SLIT3: variants seen among roughly 807,000 people sequenced by gnomAD.
The protein encoded by SLIT3 is slit guidance ligand 3.
Under a neutral mutation model 184.0 loss-of-function variants are expected in SLIT3, and 68 were observed. The ratio of observed to expected loss-of-function variants is 0.37; its 90% CI spans 0.30 to 0.45. SLIT3 has a LOEUF of 0.45. Among genes scored for constraint, SLIT3 ranks in the 20% least tolerant of loss-of-function variants. SLIT3 has a pLI of 1.00. For missense variants in SLIT3, 1,707 were observed against 2,026.0 expected (o/e 0.84, Z 3.02); for synonymous variants, 831 against 828.6 (o/e 1.00, Z -0.05).
intron 4 of SLIT3, among the ~76,000 whole-genome samples, chr5:169,104,244 C>T (rs1037343537): frequency 6.6e-6 from 1 of 152,104 alleles, no homozygotes; most frequent in African/African-American, 2.4e-5. Flanking sequence ...AGCCAGCATC[C>T]GTGGAATCAC....
intron 4 of SLIT3, among the ~76,000 whole-genome samples, chr5:169,157,022 C>A (rs1280717747): frequency 2.0e-5 from 3 of 151,934 alleles, no homozygotes; most frequent in Admixed American, 2.0e-4. Context: ...AGATACCACA[C>A]ACAAAAAAAT....
Position 168,713,945 on chromosome 5 carries a change from C to T in SLIT3, c.2484-1591G>A, listed in dbSNP as rs969305960. 2.0e-5 allele frequency among the ~76,000 whole-genome samples: 3 copies of T among 152,202 alleles called. No homozygotes were observed. In the East Asian group the frequency reaches 5.8e-4, roughly 29 times the overall value. On this transcript the variant is annotated intron_variant, in intron 23 of 35. Coordinates refer to ENST00000519560, the MANE Select transcript of SLIT3 (RefSeq NM_003062.4). ...TTTAAGGCAAGGCCCTTATTTCTCT[C>T]CTCTTCCCATATAATCTGCTCTTCT...
rs937688331 is a variant in SLIT3, at chr5:169,224,475, C to T, written c.341+20230G>A. Reference sequence around the variant, plus strand: ...CTCGACCTCCTGGAGTCAAGTGATCCTCCCACCTCAACTTTCCAAGTAGCT... The same window carrying T: ...CTCGACCTCCTGGAGTCAAGTGATCTTCCCACCTCAACTTTCCAAGTAGCT... On this transcript the variant is annotated intron_variant, in intron 3 of 35. Transcript: ENST00000519560. Among the ~76,000 whole-genome samples the T allele has an allele frequency of 1.6e-3, 241 of 151,684 alleles. 1 individual carries two copies. Among genetic ancestry groups the T allele is most frequent in the African/African-American group, 5.8e-3 (238 of 41,318 alleles).
intron 4 of SLIT3, among the ~76,000 whole-genome samples, chr5:168,909,523 A>G (rs1157354275): frequency 1.3e-5 from 2 of 152,150 alleles, no homozygotes; most frequent in African/African-American, 4.8e-5. Context: ...CCCTGTGTCC[A>G]CTGCCATTTA....
In SLIT3 at chr5:168,895,836, C is replaced by T. The variant is rs114826720; in HGVS notation, c.414-12500G>A. ...AGATTTACACCAAGTTGGAAGTTAA[C>T]ACTAATAATTAATCCCAGACCTGCT... On this transcript the variant is annotated intron_variant, in intron 4 of 35. Coordinates refer to ENST00000519560, the MANE Select transcript of SLIT3 (RefSeq NM_003062.4). Among the ~76,000 whole-genome samples the T allele has an allele frequency of 2.6e-3, 385 of 146,956 alleles. 3 individuals carry two copies. Among genetic ancestry groups the T allele is most frequent in the African/African-American group, 9.3e-3 (374 of 40,330 alleles).
At chr5:169,123,997 C>G (rs1327404298) in intron 4 of SLIT3, among the ~76,000 whole-genome samples, 1 of 152,202 alleles carries the variant, frequency 6.6e-6, no homozygotes, top group African/African-American at 2.4e-5. Flanking sequence ...CCTGCTCATT[C>G]CTCTCATCAA....
chr5:168,812,946 T>G (rs1424576647), intron 8 of SLIT3, among the ~76,000 whole-genome samples: 1 of 152,146 alleles, frequency 6.6e-6, no homozygotes, highest in Non-Finnish European at 1.5e-5. Context: ...GATAAGCATA[T>G]TTCATTTTTA....
chr5:169,113,241 C>A (rs992121392), intron 4 of SLIT3, among the ~76,000 whole-genome samples: 4 of 152,130 alleles, frequency 2.6e-5, no homozygotes, highest in African/African-American at 7.2e-5. Context: ...CCCTACCTTC[C>A]CCTCTAGCAA....
chr5:168,711,031 A>G lies in SLIT3; in HGVS notation c.2583T>C (p.Cys861=). Residue 861 remains cysteine, a synonymous_variant, in exon 25 of 36, where the codon TGT becomes TGC. Transcript: ENST00000519560. ...HLALGTNPLH[C]DCSLRWLSEW... ...CCGACAGCCACCGAAGACTGCAGTC[A>G]CAGTGGAGTGGGTTGGTTCCCAGCG... 1 of 1,590,290 alleles carries G rather than the reference A, an allele frequency of 6.3e-7. No homozygotes were observed. Among genetic ancestry groups the G allele is most frequent in the African/African-American group, 1.3e-5 (1 of 74,354 alleles).
At chr5:168,989,053 A>G (rs1477126413) in intron 4 of SLIT3, among the ~76,000 whole-genome samples, 1 of 152,260 alleles carries the variant, frequency 6.6e-6, no homozygotes, top group Non-Finnish European at 1.5e-5. Flanking sequence ...AATTTGCCTC[A>G]GAGACACACC....
intron 4 of SLIT3, among the ~76,000 whole-genome samples, chr5:168,979,668 G>A (rs1754885894): frequency 6.6e-6 from 1 of 152,162 alleles, no homozygotes; most frequent in Admixed American, 6.5e-5. Context: ...GGGGGCTGGG[G>A]CCAAACAGGA....
rs79186635 is a variant in SLIT3, at chr5:168,879,794, C to G, written c.485+3471G>C. On this transcript the variant is annotated intron_variant, in intron 5 of 35. Transcript: ENST00000519560. ...CTTCACACCCAATGTGATTACAACCCAACTCAGGATCTTCCAAGCCTGGCT... is the reference window on the plus strand; with the variant it reads ...CTTCACACCCAATGTGATTACAACCGAACTCAGGATCTTCCAAGCCTGGCT... Among the ~76,000 whole-genome samples the G allele has an allele frequency of 4.3e-4, 66 of 152,282 alleles. No individual in the cohort carries two copies. The East Asian group carries it at 0.01, about 23-fold the overall frequency.
Position 168,958,790 on chromosome 5 carries a change from T to C in SLIT3, c.414-75454A>G, listed in dbSNP as rs75816718. Among the ~76,000 whole-genome samples, 722 of 152,380 alleles carry C rather than the reference T, an allele frequency of 4.7e-3. 5 individuals carry two copies. Among genetic ancestry groups the C allele is most frequent in the African/African-American group, 0.016 (683 of 41,594 alleles). ...TGCTGTGGTGGAAGAAGGTGTCATGTGTACCGACATTCTTTTCTCCAAACT... is the reference window on the plus strand; with the variant it reads ...TGCTGTGGTGGAAGAAGGTGTCATGCGTACCGACATTCTTTTCTCCAAACT... On this transcript the variant is annotated intron_variant, in intron 4 of 35. Transcript: ENST00000519560.
At chr5:169,190,161 C>T (rs760202836) in intron 4 of SLIT3, among the ~76,000 whole-genome samples, 2 of 152,106 alleles carry the variant, frequency 1.3e-5, no homozygotes, top group African/African-American at 2.4e-5. Context: ...CATATATGAC[C>T]AAGCATTGGT....
At chr5:169,169,028 A>T (rs1461158530) in intron 4 of SLIT3, among the ~76,000 whole-genome samples, 1 of 111,250 alleles carries the variant, frequency 9.0e-6, no homozygotes, top group African/African-American at 2.7e-5. Flanking sequence ...GAGCAGGGTC[A>T]GCCCAGAGTG....
chr5:168,709,732 T>C (rs1245969320), intron 25 of SLIT3, among the ~76,000 whole-genome samples: 3 of 148,300 alleles, frequency 2.0e-5, no homozygotes, highest in Admixed American at 6.6e-5. Context: ...CTCTCAGAGA[T>C]GAGCAAAAGA....
Position 168,753,103 on chromosome 5 carries a change from A to C in SLIT3, c.1830-5T>G. 2 of 1,613,948 alleles carry C rather than the reference A, an allele frequency of 1.2e-6. No individual in the cohort carries two copies. Among genetic ancestry groups the C allele is most frequent in the Non-Finnish European group, 1.7e-6 (2 of 1,179,928 alleles). ...ATCAAGTTACTCCTCAGCATCCTAC[A>C]GGGAGAGGGGTGGGGATGAGAGAGC... On this transcript the variant is annotated splice_region_variant and splice_polypyrimidine_tract_variant and intron_variant, in intron 17 of 35. Transcript: ENST00000519560.
chr5:168,671,959 T>C lies in SLIT3; in HGVS notation c.3842-476A>G, dbSNP rs189889349. Among the ~76,000 whole-genome samples, 35 of 152,330 alleles carry C rather than the reference T, an allele frequency of 2.3e-4. No homozygotes were observed. The East Asian group carries it at 6.4e-3, about 28-fold the overall frequency. ...GATAAGGTTTTGGGGAGCTGCTTGATCAACGAAACTTTGGGGTTCAGGGTT... is the reference window on the plus strand; with the variant it reads ...GATAAGGTTTTGGGGAGCTGCTTGACCAACGAAACTTTGGGGTTCAGGGTT... On this transcript the variant is annotated intron_variant, in intron 33 of 35. Coordinates refer to ENST00000519560, the MANE Select transcript of SLIT3 (RefSeq NM_003062.4).
intron 4 of SLIT3, among the ~76,000 whole-genome samples, chr5:169,018,982 C>T (rs965050304): frequency 3.3e-5 from 5 of 152,214 alleles, no homozygotes; most frequent in African/African-American, 1.2e-4. Context: ...CCTGCATTGA[C>T]AACTAGTCAC....
Sources: allele counts gnomAD v4.1 joint callset (sites outside exome capture counted in the v4.1 genomes callset), GRCh38; gene constraint gnomAD v4.1.1; transcripts MANE v1.5; gene names NCBI Gene and HGNC (gene_info 2026-07-23, HGNC 2026-07-21).